The following LRP6 variants were observed in gnomAD, a reference collection of about 807,000 sequenced individuals.
LRP6 encodes the protein LDL receptor related protein 6, also known as low-density lipoprotein receptor-related protein 6.
LRP6 carries 43 observed loss-of-function variants against 184.1 expected under a neutral mutation model. That is an observed-to-expected ratio of 0.23 (90% CI 0.18 to 0.30). The LOEUF (loss-of-function observed/expected upper bound fraction) is 0.30, where lower values mean the gene tolerates loss of function less well. LRP6 is among the 10% of genes least tolerant of loss of function. The pLI, the probability that LRP6 is intolerant of heterozygous loss-of-function variation, is 1.00. For missense variants in LRP6, 1,571 were observed against 2,005.3 expected, an observed-to-expected ratio of 0.78 and a Z score of 4.14; for synonymous variants, 719 against 684.9, an observed-to-expected ratio of 1.05 and a Z score of -0.78.
intron 10 of LRP6, among the ~76,000 whole-genome samples, chr12:12,161,321 G>C (rs1242980649): frequency 6.6e-6 from 1 of 151,934 alleles, no homozygotes; most frequent in African/African-American, 2.4e-5. Flanking sequence ...AGGGTGGAGT[G>C]CAGTGGCACG....
At chr12:12,264,904 C>T (rs1428918811) in intron 1 of LRP6, among the ~76,000 whole-genome samples, 1 of 152,184 alleles carries the variant, frequency 6.6e-6, no homozygotes, top group Non-Finnish European at 1.5e-5. Context: ...ATTACCTCTT[C>T]CAGGTCTTGT....
intron 2 of LRP6, among the ~76,000 whole-genome samples, chr12:12,218,408 T>C (rs970911039): frequency 2.0e-5 from 3 of 150,902 alleles, no homozygotes; most frequent in African/African-American, 7.3e-5. Flanking sequence ...GCCCAGGGAG[T>C]TGAGGCTGCA....
At chr12:12,159,398 T>A (rs11054714) in intron 11 of LRP6, among the ~76,000 whole-genome samples, 216 of 152,216 alleles carry the variant, frequency 1.4e-3, no homozygotes, top group Non-Finnish European at 2.6e-3. Flanking sequence ...CTCAGTTTCC[T>A]AAAATTCTTG....
At chr12:12,180,326 T>C (rs995220042) in intron 6 of LRP6, among the ~76,000 whole-genome samples, 4 of 151,522 alleles carry the variant, frequency 2.6e-5, no homozygotes, top group Admixed American at 6.6e-5. Flanking sequence ...GTCATCTCTC[T>C]GACACAAAAG....
Position 12,251,657 on chromosome 12 carries a change from G to A in LRP6, c.56-7002C>T, listed in dbSNP as rs1210105110. ...TGTTGGAATTACAGGCATGAGCCAC[G>A]GTGCCCCGCCCATTAGTCTGCTTTT... On this transcript the variant is annotated intron_variant, in intron 1 of 22. Transcript: ENST00000261349. Among the ~76,000 whole-genome samples the A allele has an allele frequency of 2.6e-5, 4 of 151,996 alleles. No individual in the cohort carries two copies. The East Asian group carries it at 5.8e-4, about 22-fold the overall frequency.
intron 2 of LRP6, among the ~76,000 whole-genome samples, chr12:12,218,804 A>C (rs1864414269): frequency 6.6e-6 from 1 of 152,166 alleles, no homozygotes; most frequent in African/African-American, 2.4e-5. Context: ...ACTCCAACCC[A>C]AGTGACAGAG....
chr12:12,227,388 T>C (rs1864655441), intron 2 of LRP6, among the ~76,000 whole-genome samples: 1 of 150,130 alleles, frequency 6.7e-6, no homozygotes, highest in African/African-American at 2.4e-5. Context: ...TAAGTGAAGG[T>C]AAAATAAAAA....
intron 1 of LRP6, among the ~76,000 whole-genome samples, chr12:12,255,665 G>A (rs999458576): frequency 3.4e-5 from 5 of 148,438 alleles, no homozygotes; most frequent in African/African-American, 1.3e-4. Flanking sequence ...CCACCTCCCA[G>A]GTTCAAGCGA....
chr12:12,140,036 T>C (rs1949907517), intron 15 of LRP6, among the ~76,000 whole-genome samples: 2 of 152,052 alleles, frequency 1.3e-5, no homozygotes, highest in South Asian at 4.1e-4. Context: ...TACACAGCAA[T>C]GTTCTCAGTA....
rs1325732083 is a variant in LRP6 at position 12,127,009 on chromosome 12, G to A, written c.4082-88C>T. ...TCAAAAGAGGGCTTGCTAATAGGAT[G>A]TGAAGCTATAAGCCTAATGAAGATA... On this transcript the variant is annotated intron_variant, in intron 19 of 22. Transcript: ENST00000261349. 15 of 1,080,780 alleles carry A rather than the reference G, an allele frequency of 1.4e-5. No individual in the cohort carries two copies. In the South Asian group the frequency reaches 1.8e-4, roughly 13 times the overall value. The allele number at this position is 1,080,780 out of a possible 1,614,324, so 66.9% of individuals were successfully genotyped here. A position where few individuals can be genotyped will look rare whatever the true frequency, so the allele number is the denominator to read the frequency against.
chr12:12,222,634 G>A (rs1021703272), intron 2 of LRP6, among the ~76,000 whole-genome samples: 4 of 151,172 alleles, frequency 2.6e-5, no homozygotes, highest in Non-Finnish European at 1.5e-5. Context: ...TCCAAGACCC[G>A]CGGTGGATGC....
intron 2 of LRP6, chr12:12,226,747 C>T (rs1352445985): frequency 6.6e-6 from 1 of 152,194 alleles, no homozygotes; most frequent in Non-Finnish European, 1.5e-5. Context: ...ACAAGGATGA[C>T]ATGCAAATTC....
At chr12:12,164,940 A>T in intron 8 of LRP6, 139 bp downstream of exon 8, 1 of 406,558 alleles carries the variant, frequency 2.5e-6, no homozygotes, top group Non-Finnish European at 4.4e-6. Context: ...AAAAAAAAAA[A>T]AAAAAAAAAA....
intron 7 of LRP6, among the ~76,000 whole-genome samples, chr12:12,170,092 T>TG (rs1862992162): frequency 6.6e-6 from 1 of 152,186 alleles, no homozygotes. Context: ...CCTAGCACTT[T>TG]GGGAGTCCAA....
intron 3 of LRP6, among the ~76,000 whole-genome samples, chr12:12,199,825 G>A (rs745551694): frequency 2.6e-5 from 4 of 151,708 alleles, no homozygotes; most frequent in African/African-American, 4.8e-5. Flanking sequence ...CTAGATGGGC[G>A]TGGTGGTGCG....
intron 7 of LRP6, among the ~76,000 whole-genome samples, chr12:12,166,804 T>C (rs1323512278): frequency 6.6e-6 from 1 of 152,214 alleles, no homozygotes; most frequent in Non-Finnish European, 1.5e-5. Flanking sequence ...TAAGTATGAA[T>C]TAGGAAAATG....
intron 7 of LRP6, among the ~76,000 whole-genome samples, chr12:12,166,948 A>C (rs1277016454): frequency 6.6e-6 from 1 of 152,106 alleles, no homozygotes; most frequent in African/African-American, 2.4e-5. Flanking sequence ...AATACCAAAA[A>C]ATTAGTCAAG....
In LRP6 at chr12:12,158,872, G is replaced by A. The variant is rs1302104154; in HGVS notation, c.2748C>T (p.Cys916=). The A allele has an allele frequency of 1.9e-6, 3 of 1,614,168 alleles. No individual in the cohort carries two copies. Among genetic ancestry groups the A allele is most frequent in the Admixed American group, 1.7e-5 (1 of 60,018 alleles). Residue 916 remains cysteine, a synonymous_variant, in exon 12 of 23, where the codon TGC becomes TGT. Coordinates refer to ENST00000261349, the MANE Select transcript of LRP6 (RefSeq NM_002336.3). ...CAGCATTAAGAGAGTAGTGGGCAGG[G>A]CATCCACAAACAAAACCCCCAACTG... ...AVPVGGFVCG[C]PAHYSLNADN...
chr12:12,124,959 A>C (rs1056824909), intron 21 of LRP6, among the ~76,000 whole-genome samples: 1 of 152,188 alleles, frequency 6.6e-6, no homozygotes, highest in Non-Finnish European at 1.5e-5. Flanking sequence ...TTAGAGAAAA[A>C]TTATTGATTT....
Sources: allele counts gnomAD v4.1 joint callset (sites outside exome capture counted in the v4.1 genomes callset), GRCh38; gene constraint gnomAD v4.1.1; transcripts MANE v1.5; gene names NCBI Gene and HGNC (gene_info 2026-07-23, HGNC 2026-07-21).